Variants in EIF4G3 observed in about 807,000 individuals in gnomAD.
The protein encoded by EIF4G3 is eIF-4-gamma 3.
In EIF4G3, 34 loss-of-function variants were observed where a neutral mutation model predicts 186.4. The ratio of observed to expected loss-of-function variants is 0.18; its 90% CI spans 0.14 to 0.24. The LOEUF is 0.24. Ranked by LOEUF, EIF4G3 falls within the 10% of genes least tolerant of loss-of-function variation. The pLI, the probability that EIF4G3 is intolerant of heterozygous loss-of-function variation, is 1.00. For missense variants in EIF4G3, 1,536 were observed against 1,948.5 expected, an observed-to-expected ratio of 0.79 and a Z score of 3.99; for synonymous variants, 673 against 679.5, an observed-to-expected ratio of 0.99 and a Z score of 0.15.
chr1:20,861,784 G>T (rs2076404266), intron 23 of EIF4G3, among the ~76,000 whole-genome samples: 1 of 152,086 alleles, frequency 6.6e-6, no homozygotes, highest in Non-Finnish European at 1.5e-5. Flanking sequence ...GACCAGCCTG[G>T]CCAACAGCGT....
chr1:20,918,161 G>C (rs1277956713), intron 14 of EIF4G3, among the ~76,000 whole-genome samples: 1 of 151,874 alleles, frequency 6.6e-6, no homozygotes, highest in Non-Finnish European at 1.5e-5. Flanking sequence ...CTGATATATA[G>C]TCTTCTACAC....
rs138208807 is a variant in EIF4G3, at chr1:20,882,176, TACACACACACAC to T, written c.2425-2668_2425-2657del. 1.1e-3 allele frequency among the ~76,000 whole-genome samples: 93 copies of T among 87,028 alleles called. 1 individual carries two copies. Among genetic ancestry groups the T allele is most frequent in the Non-Finnish European group, 4.5e-4 (16 of 35,668 alleles). The allele number at this position is 87,028 out of a possible 152,430, so 57.1% of individuals were successfully genotyped here. ...ACCCTGTCTCCAAAAAAAGAAAAAT[TACACACACACAC>T]ACACACACACACACACACACACACA... On this transcript the variant is annotated intron_variant, in intron 19 of 36. Transcript: ENST00000602326.
chr1:20,826,765 G>A (rs1223980940), intron 32 of EIF4G3, among the ~76,000 whole-genome samples: 2 of 152,108 alleles, frequency 1.3e-5, no homozygotes, highest in Non-Finnish European at 2.9e-5. Flanking sequence ...TGGGATTACA[G>A]GTGTGAATCA....
chr1:20,864,995 GA>G (rs879163636), intron 21 of EIF4G3, 120 bp downstream of exon 21: 602 of 1,102,144 alleles, frequency 5.5e-4, no homozygotes, highest in South Asian at 7.5e-4. Context: ...TTTCTACATG[GA>G]AAAAAAAAGG....
At position 20,969,574 on chromosome 1, in the gene EIF4G3, T is replaced by TG; in HGVS notation, c.613dup (p.Gln205ProfsTer4). The TG allele has an allele frequency of 6.2e-7, 1 of 1,613,768 alleles. No homozygotes were observed. Among genetic ancestry groups the TG allele is most frequent in the Non-Finnish European group, 8.5e-7 (1 of 1,179,798 alleles). ...CTCCTCTGTTATGTCTTTACCTCCC[T>TG]GGTTTGGATCCCGAATTCTTATCTA... On this transcript the variant is annotated frameshift_variant, in exon 12 of 37. Coordinates refer to ENST00000602326, the MANE Select transcript of EIF4G3 (RefSeq NM_001391906.1). LOFTEE classifies it high-confidence loss of function.
chr1:20,879,036 C>G (rs2081604010), intron 20 of EIF4G3, among the ~76,000 whole-genome samples: 1 of 152,078 alleles, frequency 6.6e-6, no homozygotes, highest in Non-Finnish European at 1.5e-5. Context: ...AATTTGTTGC[C>G]CATGACGATA....
intron 3 of EIF4G3, among the ~76,000 whole-genome samples, chr1:21,078,000 G>T (rs962706148): frequency 6.6e-6 from 1 of 151,950 alleles, no homozygotes; most frequent in Non-Finnish European, 1.5e-5. Flanking sequence ...ATAAAGGTTC[G>T]TGAAAAAACT....
chr1:21,041,989 CTT>C (rs762068508), intron 4 of EIF4G3, among the ~76,000 whole-genome samples: 42 of 141,896 alleles, frequency 3.0e-4, no homozygotes, highest in Admixed American at 4.2e-4. Flanking sequence ...CTTTTCTTTT[CTT>C]TTTTTTTTTT....
At chr1:21,140,996 T>C (rs763677737) in intron 2 of EIF4G3, among the ~76,000 whole-genome samples, 9 of 152,210 alleles carry the variant, frequency 5.9e-5, no homozygotes, top group Non-Finnish European at 1.2e-4. Flanking sequence ...ATATATATTT[T>C]TTAAATGAGA....
intron 35 of EIF4G3, among the ~76,000 whole-genome samples, chr1:20,812,860 G>C (rs1352116886): frequency 6.6e-6 from 1 of 152,064 alleles, no homozygotes; most frequent in African/African-American, 2.4e-5. Flanking sequence ...AGGAGGAGGC[G>C]GCCCTGAATG....
chr1:20,953,392 A>G (rs116029970), intron 12 of EIF4G3, among the ~76,000 whole-genome samples: 4,367 of 152,328 alleles, frequency 0.029, 81 homozygotes, highest in Non-Finnish European at 0.048. Flanking sequence ...TAGATTCCTG[A>G]TAGTGTTTGA....
intron 14 of EIF4G3, among the ~76,000 whole-genome samples, chr1:20,927,036 GA>G (rs1241436554): frequency 2.0e-5 from 3 of 149,690 alleles, no homozygotes; most frequent in Non-Finnish European, 4.5e-5. Context: ...TTGAAAAATT[GA>G]AAAAAATACT....
At chr1:20,981,248 A>C (rs761656615) in intron 8 of EIF4G3, 21 bp from the exon 9 acceptor site, 5 of 1,544,522 alleles carry the variant, frequency 3.2e-6, no homozygotes, top group Non-Finnish European at 4.4e-6. Flanking sequence ...GAGAAAAAAA[A>C]AATTTTTTTT....
chr1:20,917,622 G>A (rs1006884524), intron 14 of EIF4G3, among the ~76,000 whole-genome samples: 1 of 152,190 alleles, frequency 6.6e-6, no homozygotes, highest in Non-Finnish European at 1.5e-5. Context: ...TGAAGATGAG[G>A]GTAGTAGTGC....
chr1:21,078,198 C>G (rs935625555), intron 3 of EIF4G3, among the ~76,000 whole-genome samples: 1 of 152,044 alleles, frequency 6.6e-6, no homozygotes, highest in African/African-American at 2.4e-5. Context: ...TTCACAATAG[C>G]CAAGATGTGG....
At chr1:21,036,000 C>G (rs563863296) in intron 4 of EIF4G3, among the ~76,000 whole-genome samples, 1 of 152,298 alleles carries the variant, frequency 6.6e-6, no homozygotes, top group East Asian at 1.9e-4. Context: ...AGGAGCTACC[C>G]TCTCTAGGGC....
chr1:21,047,131 CT>C (rs1287746744), intron 4 of EIF4G3, among the ~76,000 whole-genome samples: 1 of 152,084 alleles, frequency 6.6e-6, no homozygotes, highest in African/African-American at 2.4e-5. Flanking sequence ...AAAGCCAGCC[CT>C]AGAACCTATG....
At chr1:20,915,054 T>C (rs756291173) in intron 14 of EIF4G3, among the ~76,000 whole-genome samples, 2 of 152,242 alleles carry the variant, frequency 1.3e-5, no homozygotes, top group African/African-American at 4.8e-5. Context: ...AATACAGTTA[T>C]AGCAACCGTA....
At chr1:21,087,788 C>T (rs897504847) in intron 3 of EIF4G3, among the ~76,000 whole-genome samples, 3 of 152,164 alleles carry the variant, frequency 2.0e-5, no homozygotes, top group Non-Finnish European at 2.9e-5. Flanking sequence ...CGCCCGCCAC[C>T]ATGTCCGGCT....
Sources: gnomAD v4.1 joint callset for allele counts (sites outside exome capture counted in the v4.1 genomes callset) on GRCh38, gnomAD v4.1.1 for gene constraint, MANE v1.5 for transcripts, NCBI Gene and HGNC (gene_info 2026-07-23, HGNC 2026-07-21) for gene names.